The following JMJD1C variants were observed in gnomAD, a reference collection of about 807,000 sequenced individuals.
The protein encoded by JMJD1C is jumonji domain-containing protein 1C.
In JMJD1C, 31 loss-of-function variants were observed where a neutral mutation model predicts 245.3. The observed-to-expected ratio is 0.13, with a 90% CI of 0.09 to 0.17. JMJD1C has a LOEUF of 0.17. JMJD1C is among the 10% of genes least tolerant of loss of function. The probability of loss-of-function intolerance (pLI) is 1.00; values close to 1 mark genes in which losing one functional copy is unlikely to be tolerated. For synonymous variants in JMJD1C, 1,057 were observed against 1,017.4 expected (o/e 1.04, Z -0.74); for missense variants, 2,691 against 3,000.2 (o/e 0.90, Z 2.41).
chr10:63,411,666 A>C (rs1357016079), intron 1 of JMJD1C, among the ~76,000 whole-genome samples: 1 of 144,806 alleles, frequency 6.9e-6, no homozygotes, highest in East Asian at 2.0e-4. Context: ...GCAGTGGCAC[A>C]ACTTTGGCTC....
chr10:63,229,384 C>T (rs1849694662), intron 3 of JMJD1C, among the ~76,000 whole-genome samples: 1 of 151,788 alleles, frequency 6.6e-6, no homozygotes, highest in Admixed American at 6.6e-5. Flanking sequence ...ACACTGCCTA[C>T]AGGGTAGCCC....
intron 1 of JMJD1C, among the ~76,000 whole-genome samples, chr10:63,454,565 G>C (rs545509160): frequency 6.6e-6 from 1 of 152,196 alleles, no homozygotes; most frequent in African/African-American, 2.4e-5. Context: ...CTAGTAGCTG[G>C]GATTACAGGC....
In JMJD1C at chr10:63,380,558, T is replaced by C. The variant is rs866529081; in HGVS notation, c.169-76A>G. On this transcript the variant is annotated intron_variant, in intron 1 of 25. Coordinates refer to ENST00000399262, the MANE Select transcript of JMJD1C (RefSeq NM_032776.3). ...ATCTTTTTTTACTAATGCATAATAA[T>C]TGTACATATTTATGGGGTACATATG... is the stretch of plus-strand genomic sequence containing the variant. The C allele has an allele frequency of 7.6e-5, 84 of 1,107,110 alleles. No homozygotes were observed. In the Middle Eastern group the frequency reaches 8.9e-4, roughly 12 times the overall value. The allele number at this position is 1,107,110 out of a possible 1,614,324, so 68.6% of individuals were successfully genotyped here. A position where few individuals can be genotyped will look rare whatever the true frequency, so the allele number is the denominator to read the frequency against.
intron 2 of JMJD1C, among the ~76,000 whole-genome samples, chr10:63,347,743 C>T (rs1285903607): frequency 6.6e-6 from 1 of 151,788 alleles, no homozygotes; most frequent in Non-Finnish European, 1.5e-5. Context: ...TGAAACGCCC[C>T]CACCCTACTA....
At chr10:63,348,467 A>G (rs577257619) in intron 2 of JMJD1C, among the ~76,000 whole-genome samples, 5 of 152,326 alleles carry the variant, frequency 3.3e-5, no homozygotes, top group African/African-American at 1.2e-4. Flanking sequence ...GGTTAAATAT[A>G]ATGACATTGG....
chr10:63,219,995 G>C lies in JMJD1C; in HGVS notation c.448-12C>G. The stretch of plus-strand genomic sequence containing the variant: ...CTGTCTATGTCGTCCTAGAATTATA[G>C]ATTAAAAGAAAGGTCCATGTTACGC... On this transcript the variant is annotated splice_polypyrimidine_tract_variant and intron_variant, in intron 3 of 25. Coordinates refer to ENST00000399262, the MANE Select transcript of JMJD1C (RefSeq NM_032776.3). 6.3e-7 allele frequency: 1 copy of C among 1,594,954 alleles called. No individual in the cohort carries two copies. Among genetic ancestry groups the C allele is most frequent in the Non-Finnish European group, 8.6e-7 (1 of 1,164,056 alleles).
At chr10:63,408,864 C>G (rs1484960683) in intron 1 of JMJD1C, among the ~76,000 whole-genome samples, 2 of 151,948 alleles carry the variant, frequency 1.3e-5, no homozygotes, top group African/African-American at 4.8e-5. Context: ...AGGGCCAGTA[C>G]AGATATAAAG....
At position 63,465,732 on chromosome 10, in the gene JMJD1C, G is replaced by A. The variant is rs767103524; in HGVS notation, c.-70C>T. 1.9e-6 allele frequency: 3 copies of A among 1,558,142 alleles called. No individual in the cohort carries two copies. The Admixed American group carries it at 5.2e-5, about 27-fold the overall frequency. On this transcript the variant is annotated 5_prime_UTR_variant, in exon 1 of 26. Coordinates refer to ENST00000399262, the MANE Select transcript of JMJD1C (RefSeq NM_032776.3). ...AACCGATGAAACCTCACTCCTACCG[G>A]CCGCTCATGCTGAGGAGAGCGGACC...
At chr10:63,355,666 G>T (rs1299053302) in intron 2 of JMJD1C, among the ~76,000 whole-genome samples, 2 of 151,884 alleles carry the variant, frequency 1.3e-5, no homozygotes, top group African/African-American at 4.8e-5. Flanking sequence ...TGTGAGAGTT[G>T]CTCTTGGTTG....
In JMJD1C at chr10:63,171,059, C is replaced by T. The variant is rs192865838; in HGVS notation, c.7402-2493G>A. On this transcript the variant is annotated intron_variant, in intron 24 of 25. Coordinates refer to ENST00000399262, the MANE Select transcript of JMJD1C (RefSeq NM_032776.3). ...TGTGGAAAGATTTTGCCAAGAAGTCCTTTTGGTCATATAAATACAGAGAAT... is the reference window on the plus strand; with the variant it reads ...TGTGGAAAGATTTTGCCAAGAAGTCTTTTTGGTCATATAAATACAGAGAAT... Among the ~76,000 whole-genome samples the T allele has an allele frequency of 3.1e-4, 47 of 152,226 alleles. No individual in the cohort carries two copies. In the East Asian group the frequency reaches 6.9e-3, roughly 22 times the overall value.
intron 24 of JMJD1C, among the ~76,000 whole-genome samples, chr10:63,174,924 T>C (rs1842745951): frequency 6.6e-6 from 1 of 152,162 alleles, no homozygotes; most frequent in Admixed American, 6.5e-5. Context: ...GATTATGTTG[T>C]TACCTAACTA....
At chr10:63,497,408 T>C (rs1410411438) in intron 1 of JMJD1C, among the ~76,000 whole-genome samples, 1 of 152,178 alleles carries the variant, frequency 6.6e-6, no homozygotes. Context: ...AGACCACATA[T>C]TATATGATTC....
intron 24 of JMJD1C, among the ~76,000 whole-genome samples, chr10:63,169,034 C>G (rs1313873155): frequency 3.3e-5 from 5 of 152,180 alleles, no homozygotes; most frequent in Non-Finnish European, 1.5e-5. Flanking sequence ...TTGTTAGGAA[C>G]TGGGATGGAA....
At chr10:63,175,456 C>G (rs1325708589) in intron 24 of JMJD1C, among the ~76,000 whole-genome samples, 1 of 152,166 alleles carries the variant, frequency 6.6e-6, no homozygotes, top group African/African-American at 2.4e-5. Flanking sequence ...GACCCTGAAT[C>G]TGACACATCC....
intron 1 of JMJD1C, among the ~76,000 whole-genome samples, chr10:63,456,258 CAT>C (rs1297562488): frequency 1.3e-4 from 20 of 151,950 alleles, no homozygotes; most frequent in African/African-American, 4.8e-4. Context: ...ATAGGCTCTA[CAT>C]AGTTTTATCA....
chr10:63,279,602 C>CA (rs911667631), intron 2 of JMJD1C, among the ~76,000 whole-genome samples: 5 of 151,456 alleles, frequency 3.3e-5, no homozygotes, highest in African/African-American at 4.8e-5. Context: ...ATCTCTACAA[C>CA]AAAAAAAAAT....
At chr10:63,179,121 A>C (rs1210146165) in intron 22 of JMJD1C, among the ~76,000 whole-genome samples, 1 of 152,164 alleles carries the variant, frequency 6.6e-6, no homozygotes, top group Non-Finnish European at 1.5e-5. Context: ...CTGGATAAAG[A>C]AAATGTGTGG....
chr10:63,192,837 G>A, intron 16 of JMJD1C, 101 bp downstream of exon 16: 1 of 886,962 alleles, frequency 1.1e-6, no homozygotes, highest in East Asian at 2.4e-5. Context: ...AAAGTAAATT[G>A]TTTACCTCAA....
intron 2 of JMJD1C, among the ~76,000 whole-genome samples, chr10:63,375,098 T>C (rs1946618541): frequency 6.6e-6 from 1 of 151,910 alleles, no homozygotes; most frequent in Non-Finnish European, 1.5e-5. Context: ...TTATTCTTGA[T>C]CTTAGAGGAA....
Sources: gnomAD v4.1 joint callset for allele counts (sites outside exome capture counted in the v4.1 genomes callset) on GRCh38, gnomAD v4.1.1 for gene constraint, MANE v1.5 for transcripts, NCBI Gene and HGNC (gene_info 2026-07-23, HGNC 2026-07-21) for gene names.